The following UMODL1 variants were observed in gnomAD, a reference collection of about 807,000 sequenced individuals.
UMODL1 encodes the protein uromodulin-like 1.
UMODL1 carries 128 observed loss-of-function variants against 136.3 expected under a neutral mutation model. The observed-to-expected ratio is 0.94, with a 90% confidence interval of 0.81 to 1.09. The LOEUF (loss-of-function observed/expected upper bound fraction) is 1.09, where lower values mean the gene tolerates loss of function less well. Ranked by LOEUF, UMODL1 falls within the 50% of genes least tolerant of loss-of-function variation. The pLI, the probability that UMODL1 is intolerant of heterozygous loss-of-function variation, is 0.00. For missense variants in UMODL1, 1,766 were observed against 1,725.6 expected, an observed-to-expected ratio of 1.02 and a Z score of -0.41; for synonymous variants, 721 against 720.0, an observed-to-expected ratio of 1.00 and a Z score of -0.02.
chr21:42,139,333 T>A (rs762213810), intron 22 of UMODL1, among the ~76,000 whole-genome samples: 1 of 152,112 alleles, frequency 6.6e-6, no homozygotes, highest in Non-Finnish European at 1.5e-5. Flanking sequence ...ACGTCTTCCA[T>A]GGCTGGAGCA....
intron 10 of UMODL1, among the ~76,000 whole-genome samples, chr21:42,110,485 G>A (rs1429400857): frequency 6.6e-6 from 1 of 152,202 alleles, no homozygotes; most frequent in East Asian, 1.9e-4. Flanking sequence ...CCTGCAAGTC[G>A]ATGACAGCAT....
chr21:42,127,930 C>T lies in UMODL1; in HGVS notation c.3690+99C>T, dbSNP rs116188869. 2,243 of 1,503,718 alleles carry T rather than the reference C, an allele frequency of 1.5e-3. 25 individuals carry two copies. The African/African-American group carries it at 0.027, about 18-fold the overall frequency. The allele number at this position is 1,503,718 out of a possible 1,614,324, so 93.1% of individuals were successfully genotyped here. On this transcript the variant is annotated intron_variant, in intron 20 of 22. Coordinates refer to ENST00000408910, the MANE Select transcript of UMODL1 (RefSeq NM_001004416.3). Reference sequence around the variant, plus strand: ...ATAAAAACCTAGGGCTCGAGTGGCTCGGGGCCAACCTCTGGGAGGAGTCGC... The same window carrying T: ...ATAAAAACCTAGGGCTCGAGTGGCTTGGGGCCAACCTCTGGGAGGAGTCGC...
At chr21:42,124,098 C>T (rs1322429992) in intron 17 of UMODL1, among the ~76,000 whole-genome samples, 1 of 152,216 alleles carries the variant, frequency 6.6e-6, no homozygotes, top group Non-Finnish European at 1.5e-5. Context: ...CCAGGTCCTG[C>T]TTCTTCCCAG....
chr21:42,069,419 T>C (rs1237226453), upstream of UMODL1, among the ~76,000 whole-genome samples: 1 of 152,222 alleles, frequency 6.6e-6, no homozygotes, highest in African/African-American at 2.4e-5. Flanking sequence ...TGGATGATTA[T>C]AAATTATTAT....
At chr21:42,094,613 G>A (rs919115470) in intron 6 of UMODL1, among the ~76,000 whole-genome samples, 10 of 152,198 alleles carry the variant, frequency 6.6e-5, no homozygotes, top group African/African-American at 2.4e-4. Flanking sequence ...AAAGGAGGGT[G>A]TCCTGGCTAA....
At chr21:42,106,189 G>A (rs1430843309) in intron 9 of UMODL1, among the ~76,000 whole-genome samples, 2 of 152,202 alleles carry the variant, frequency 1.3e-5, no homozygotes, top group African/African-American at 4.8e-5. Flanking sequence ...CAGAGTCGGG[G>A]GAGCAACCAT....
intron 20 of UMODL1, among the ~76,000 whole-genome samples, chr21:42,129,499 C>T (rs983900114): frequency 3.3e-5 from 5 of 152,152 alleles, no homozygotes; most frequent in Admixed American, 2.0e-4. Flanking sequence ...CTTCCTTCCC[C>T]GCTGACGCCT....
chr21:42,111,833 C>T (rs2066836597), intron 12 of UMODL1, 123 bp downstream of exon 12: 1 of 1,049,642 alleles, frequency 9.5e-7, no homozygotes, highest in East Asian at 2.6e-5. Context: ...AGGCGGCATC[C>T]TCATCTTGTG....
At chr21:42,113,859 G>A (rs1306786191) in intron 13 of UMODL1, 29 bp downstream of exon 13, 2 of 1,595,820 alleles carry the variant, frequency 1.3e-6, no homozygotes, top group South Asian at 1.1e-5. Flanking sequence ...TTTTTAAAGA[G>A]AGGAACAAAA....
chr21:42,120,974 G>C (rs1023394980), intron 15 of UMODL1, 113 bp from the exon 16 acceptor site: 3 of 1,361,038 alleles, frequency 2.2e-6, no homozygotes, highest in Non-Finnish European at 3.0e-6. Context: ...GCAGTCTGCT[G>C]TGGCTGGAGT....
Position 42,122,739 on chromosome 21 carries a change from AGG to A in UMODL1, c.2828-90_2828-89del. ...CCCAGGTGTGGCTGCTGCAGAGTGC[AGG>A]GCAGCTCCAGTCTGCTCCTTACCCC... On this transcript the variant is annotated intron_variant, in intron 16 of 22. Transcript: ENST00000408910. The surrounding 1 kb of genome is among the most constrained non-coding windows in gnomAD (Gnocchi z 4.3). The A allele has an allele frequency of 7.6e-7, 1 of 1,322,470 alleles. No homozygotes were observed. The highest frequency in any genetic ancestry group is 1.0e-6 in the Non-Finnish European group (1 of 984,782). 81.9% of individuals were successfully genotyped at this position (1,322,470 alleles called of 1,614,324 possible).
At chr21:42,079,486 C>T (rs992650113) in intron 2 of UMODL1, among the ~76,000 whole-genome samples, 3 of 152,166 alleles carry the variant, frequency 2.0e-5, no homozygotes, top group African/African-American at 7.2e-5. Context: ...CAGGGAGGGA[C>T]GTGAGGCATG....
intron 20 of UMODL1, among the ~76,000 whole-genome samples, 177 bp from the exon 21 acceptor site, chr21:42,129,536 C>T (rs372978263): frequency 2.0e-4 from 31 of 152,308 alleles, no homozygotes; most frequent in Middle Eastern, 6.8e-3. Flanking sequence ...GCACCAGGAC[C>T]CACCACCCTG....
At chr21:42,105,836 G>A (rs1004430460) in intron 9 of UMODL1, among the ~76,000 whole-genome samples, 4 of 152,184 alleles carry the variant, frequency 2.6e-5, no homozygotes, top group African/African-American at 9.7e-5. Flanking sequence ...AGGCCCCCCA[G>A]CTGGTGTGTT....
chr21:42,102,794 C>T (rs1325923260), intron 8 of UMODL1: 1 of 152,482 alleles, frequency 6.6e-6, no homozygotes, highest in African/African-American at 2.4e-5. Flanking sequence ...TTTTACCCTC[C>T]CTGCAAACTA....
In UMODL1 at chr21:42,111,034, C is replaced by G; in HGVS notation, c.1812C>G (p.Ala604=). The G allele has an allele frequency of 6.2e-7, 1 of 1,613,336 alleles. No homozygotes were observed. The highest frequency in any genetic ancestry group is 1.1e-5 in the South Asian group (1 of 90,948). ...AGGGCACCCCGGCAGCAGGCCAGGC[C>G]TGGACCCCAGAGCCCTCACCCAGAA... ...YPQGTPAAGQ[A]WTPEPSPRRG... is the part of the protein sequence containing the mutation. The change falls in exon 11 of 23, where the codon GCC becomes GCG. Residue 604 remains alanine (A), a synonymous_variant. Coordinates refer to ENST00000408910, the MANE Select transcript of UMODL1 (RefSeq NM_001004416.3).
intron 13 of UMODL1, among the ~76,000 whole-genome samples, chr21:42,115,003 G>A (rs568443930): frequency 1.3e-5 from 2 of 152,368 alleles, no homozygotes; most frequent in East Asian, 3.9e-4. Context: ...CAACAACAAT[G>A]ATCTCAAGGA....
chr21:42,076,230 G>A lies in UMODL1; in HGVS notation c.302G>A (p.Gly101Asp), dbSNP rs199705765. 160 of 1,614,258 alleles carry A rather than the reference G, an allele frequency of 9.9e-5. No individual in the cohort carries two copies. In the African/African-American group the frequency reaches 1.7e-3, roughly 17 times the overall value. The change falls in exon 2 of 23, where the codon GGC (glycine) becomes GAC (aspartate). Residue 101 changes from glycine (G) to aspartate (D), a missense_variant. Coordinates refer to ENST00000408910, the MANE Select transcript of UMODL1 (RefSeq NM_001004416.3). The stretch of plus-strand genomic sequence containing the variant: ...TGCTGTGAGGGCTATGAACAGCTCG[G>A]CCTCTACTGTGTCTTGCGTGAGTCC... ...TDCCEGYEQL[G>D]LYCVLPLNQS... is the part of the protein sequence containing the mutation.
At chr21:42,093,908 G>A (rs946014400) in intron 6 of UMODL1, 6 of 456,558 alleles carry the variant, frequency 1.3e-5, no homozygotes, top group African/African-American at 1.0e-4. Flanking sequence ...TTCGCGCCAC[G>A]TCCACATCCC....
Sources: gnomAD v4.1 joint callset for allele counts (sites outside exome capture counted in the v4.1 genomes callset) on GRCh38, gnomAD v4.1.1 for gene constraint, Gnocchi (gnomAD v3.1) non-coding constraint, MANE v1.5 for transcripts, NCBI Gene and HGNC (gene_info 2026-07-23, HGNC 2026-07-21) for gene names.